ST3GAL3: variants seen among roughly 807,000 people sequenced by gnomAD.
ST3GAL3 encodes the protein ST3 beta-galactoside alpha-2,3-sialyltransferase 3.
Under a neutral mutation model 50.1 loss-of-function variants are expected in ST3GAL3, and 21 were observed. The observed-to-expected ratio is 0.42, with a 90% CI of 0.30 to 0.60. ST3GAL3 has a LOEUF of 0.60. Among genes scored for constraint, ST3GAL3 ranks in the 20% least tolerant of loss-of-function variants. The pLI, the probability that ST3GAL3 is intolerant of heterozygous loss-of-function variation, is 0.19. For missense variants in ST3GAL3, 353 were observed against 489.4 expected (o/e 0.72, Z 2.63); for synonymous variants, 183 against 190.0 (o/e 0.96, Z 0.30).
chr1:43,757,780 A>G (rs1251666494), intron 2 of ST3GAL3, among the ~76,000 whole-genome samples: 2 of 152,212 alleles, frequency 1.3e-5, no homozygotes, highest in East Asian at 3.8e-4. Context: ...AAAAACATTG[A>G]ACTTTATCAA....
intron 5 of ST3GAL3, among the ~76,000 whole-genome samples, chr1:43,869,105 C>T (rs958230776): frequency 2.6e-5 from 4 of 152,084 alleles, no homozygotes; most frequent in African/African-American, 9.7e-5. Context: ...GGTTCTAGAA[C>T]CCTGTATCGT....
chr1:43,744,625 C>T (rs1020949934), intron 2 of ST3GAL3, among the ~76,000 whole-genome samples: 6 of 138,392 alleles, frequency 4.3e-5, no homozygotes, highest in Non-Finnish European at 1.6e-5. Flanking sequence ...TGCACTCCAG[C>T]GTGGGGGACA....
chr1:43,731,768 G>A (rs1458966959), intron 1 of ST3GAL3, among the ~76,000 whole-genome samples: 2 of 151,616 alleles, frequency 1.3e-5, no homozygotes, highest in African/African-American at 2.4e-5. Flanking sequence ...TCCTGACCTC[G>A]TGATCCACCC....
At chr1:43,774,396 A>C (rs1381893933) in intron 2 of ST3GAL3, among the ~76,000 whole-genome samples, 1 of 152,172 alleles carries the variant, frequency 6.6e-6, no homozygotes, top group Non-Finnish European at 1.5e-5. Context: ...TTGTTTCCAG[A>C]AGGCTGCCAC....
intron 5 of ST3GAL3, chr1:43,840,098 G>C (rs1300683619): frequency 6.7e-6 from 1 of 149,390 alleles, no homozygotes; most frequent in Non-Finnish European, 1.5e-5. Context: ...GTGCGATCTT[G>C]GCTCACTGCA....
At chr1:43,883,704 G>T (rs891756402) in intron 5 of ST3GAL3, among the ~76,000 whole-genome samples, 8 of 152,138 alleles carry the variant, frequency 5.3e-5, no homozygotes, top group African/African-American at 1.9e-4. Flanking sequence ...TGCGGGGTGG[G>T]GAGGGTGCCA....
At chr1:43,721,313 T>A (rs1265443603) in intron 1 of ST3GAL3, among the ~76,000 whole-genome samples, 1 of 149,170 alleles carries the variant, frequency 6.7e-6, no homozygotes, top group Non-Finnish European at 1.5e-5. Context: ...TTTTTTTTTT[T>A]TTTTTAATGA....
intron 5 of ST3GAL3, among the ~76,000 whole-genome samples, chr1:43,878,717 A>G (rs953827454): frequency 8.5e-5 from 13 of 152,180 alleles, no homozygotes; most frequent in Non-Finnish European, 1.6e-4. Context: ...ATAGGAAGAC[A>G]TTGCCCATGT....
intron 2 of ST3GAL3, among the ~76,000 whole-genome samples, chr1:43,762,652 T>C (rs1265233653): frequency 1.3e-5 from 2 of 152,160 alleles, no homozygotes; most frequent in African/African-American, 4.8e-5. Context: ...TCTGTGTGTA[T>C]CTCCATAGTT....
chr1:43,930,091 T>C (rs772317539), intron 11 of ST3GAL3, 41 bp from the exon 12 acceptor site: 7 of 1,592,428 alleles, frequency 4.4e-6, no homozygotes, highest in Non-Finnish European at 8.6e-7. Flanking sequence ...CAGTAAAGGT[T>C]TGAGCAAAGG....
chr1:43,792,356 G>T (rs745507487), intron 3 of ST3GAL3, among the ~76,000 whole-genome samples: 1 of 151,980 alleles, frequency 6.6e-6, no homozygotes, highest in African/African-American at 2.4e-5. Flanking sequence ...CTTTAAAAGT[G>T]CACAGAGGAG....
At chr1:43,792,870 C>G (rs994461276) in intron 3 of ST3GAL3, among the ~76,000 whole-genome samples, 1 of 152,206 alleles carries the variant, frequency 6.6e-6, no homozygotes, top group African/African-American at 2.4e-5. Context: ...CATTGGGTCC[C>G]TATGGGAGCC....
intron 2 of ST3GAL3, among the ~76,000 whole-genome samples, chr1:43,788,425 A>C (rs932933936): frequency 6.6e-6 from 1 of 152,180 alleles, no homozygotes. Flanking sequence ...GGGGAATGTG[A>C]TCTCTCGCCT....
intron 1 of ST3GAL3, among the ~76,000 whole-genome samples, chr1:43,731,676 C>T (rs1247352381): frequency 6.7e-6 from 1 of 149,954 alleles, no homozygotes; most frequent in Non-Finnish European, 1.5e-5. Context: ...GGATTGTAGG[C>T]GTGAGCCACT....
intron 5 of ST3GAL3, among the ~76,000 whole-genome samples, chr1:43,863,011 G>A (rs1417409234): frequency 6.6e-6 from 1 of 152,180 alleles, no homozygotes; most frequent in African/African-American, 2.4e-5. Context: ...GTCTCCCTCA[G>A]TTGACTCAAA....
chr1:43,868,431 T>C (rs1221579933), intron 5 of ST3GAL3, among the ~76,000 whole-genome samples: 1 of 152,206 alleles, frequency 6.6e-6, no homozygotes, highest in East Asian at 1.9e-4. Flanking sequence ...CTTTCTTGGC[T>C]TTCTGCTGCT....
At chr1:43,738,064 A>G (rs919789511) in intron 2 of ST3GAL3, 10 of 152,246 alleles carry the variant, frequency 6.6e-5, no homozygotes, top group African/African-American at 2.4e-4. Context: ...GAAAAATATA[A>G]TAAATACTGA....
chr1:43,803,028 T>C (rs6672795), intron 3 of ST3GAL3, among the ~76,000 whole-genome samples: 59,553 of 151,900 alleles, frequency 0.39, 12,022 homozygotes, highest in East Asian at 0.59. Flanking sequence ...CGGGTTCAAA[T>C]GATTCTCCTG....
intron 1 of ST3GAL3, among the ~76,000 whole-genome samples, chr1:43,728,095 C>T: frequency 6.6e-6 from 1 of 152,050 alleles, no homozygotes; most frequent in Non-Finnish European, 1.5e-5. Flanking sequence ...CAATGTTTAG[C>T]TGCCACTTAC....
Sources: gnomAD v4.1 joint callset for allele counts (sites outside exome capture counted in the v4.1 genomes callset) on GRCh38, gnomAD v4.1.1 for gene constraint, MANE v1.5 for transcripts, NCBI Gene and HGNC (gene_info 2026-07-23, HGNC 2026-07-21) for gene names.